Variants in F8 observed in about 807,000 individuals in gnomAD.
F8 encodes antihemophilic factor.
F8 carries 12 observed loss-of-function variants against 140.6 expected under a neutral mutation model. The observed-to-expected ratio is 0.09, with a 90% confidence interval of 0.05 to 0.14. The LOEUF (loss-of-function observed/expected upper bound fraction) is 0.14. F8 is among the 10% of genes least tolerant of loss of function. The pLI is 1.00. For synonymous variants in F8, 585 were observed against 614.6 expected (o/e 0.95, Z 0.71); for missense variants, 1,354 against 1,720.7 (o/e 0.79, Z 3.77).
chrX:154,981,866 A>G (rs2073524025), intron 6 of F8, among the ~76,000 whole-genome samples: 1 of 111,782 alleles, frequency 8.9e-6, no homozygotes, highest in Admixed American at 9.5e-5. Flanking sequence ...AAAAATTAAG[A>G]AAAAGGTATG....
At chrX:154,891,697 T>A (rs897713260) in intron 22 of F8, among the ~76,000 whole-genome samples, 1 of 112,846 alleles carries the variant, frequency 8.9e-6, no homozygotes, top group African/African-American at 3.2e-5. Context: ...TACTAATGTA[T>A]GGAAATGAAG....
At chrX:154,876,855 T>C (rs1263668035) in intron 22 of F8, among the ~76,000 whole-genome samples, 1 of 111,534 alleles carries the variant, frequency 9.0e-6, no homozygotes, top group Non-Finnish European at 1.9e-5. Context: ...GGGGCCTGAA[T>C]TTTATGTCTC....
At chrX:154,857,242 G>A (rs2148564996) in intron 25 of F8, among the ~76,000 whole-genome samples, 1 of 111,875 alleles carries the variant, frequency 8.9e-6, no homozygotes, top group South Asian at 3.8e-4. Flanking sequence ...TCATGAACTA[G>A]GTGTTATCTG....
intron 25 of F8, among the ~76,000 whole-genome samples, chrX:154,842,029 CATCTGG>C (rs1323705539): frequency 2.7e-5 from 3 of 111,664 alleles, no homozygotes; most frequent in Non-Finnish European, 3.8e-5. Flanking sequence ...TTAGTGTAGC[CATCTGG>C]ATCTGGATTT....
chrX:154,951,659 T>C (rs1180732408), intron 12 of F8, among the ~76,000 whole-genome samples: 1 of 111,213 alleles, frequency 9.0e-6, no homozygotes, highest in Non-Finnish European at 1.9e-5. Context: ...GAGTGATTTA[T>C]GGTTTGGGTC....
intron 14 of F8, among the ~76,000 whole-genome samples, chrX:154,907,072 T>C (rs928274537): frequency 1.8e-5 from 2 of 112,154 alleles, no homozygotes; most frequent in African/African-American, 6.5e-5. Flanking sequence ...TGGATGTCCC[T>C]TTTCAATCAT....
intron 10 of F8, among the ~76,000 whole-genome samples, 170 bp downstream of exon 10, chrX:154,960,905 T>A (rs1291947948): frequency 1.8e-5 from 2 of 112,131 alleles, no homozygotes; most frequent in Non-Finnish European, 3.8e-5. Context: ...CGAATTTACA[T>A]GAAACATCAC....
At chrX:154,876,346 C>G (rs1557274028) in intron 22 of F8, among the ~76,000 whole-genome samples, 1 of 110,481 alleles carries the variant, frequency 9.1e-6, no homozygotes, top group Non-Finnish European at 1.9e-5. Context: ...GTCTCAATCT[C>G]CTGACCTTGT....
intron 21 of F8, among the ~76,000 whole-genome samples, chrX:154,898,490 TACA>T (rs2072994287): frequency 8.9e-6 from 1 of 112,202 alleles, no homozygotes; most frequent in South Asian, 3.7e-4. Context: ...AACAGTGTAG[TACA>T]ACGATTACCA....
intron 1 of F8, among the ~76,000 whole-genome samples, chrX:155,003,707 C>A (rs936259045): frequency 3.7e-4 from 41 of 111,181 alleles, no homozygotes; most frequent in Non-Finnish European, 7.0e-4. Context: ...GCCTGTAATC[C>A]CAGCACTTTG....
At chrX:154,853,830 G>A (rs1283778495) in intron 25 of F8, among the ~76,000 whole-genome samples, 1 of 111,749 alleles carries the variant, frequency 8.9e-6, no homozygotes, top group Non-Finnish European at 1.9e-5. Flanking sequence ...GTTTGTGGGG[G>A]TTTTTGTTGA....
chrX:154,927,669 T>C (rs1407320543), intron 14 of F8, among the ~76,000 whole-genome samples: 1 of 111,924 alleles, frequency 8.9e-6, no homozygotes, highest in Non-Finnish European at 1.9e-5. Context: ...ACTAGGGAAA[T>C]AGTCTATGGT....
At chrX:154,914,025 C>T (rs782688410) in intron 14 of F8, among the ~76,000 whole-genome samples, 8 of 113,301 alleles carry the variant, frequency 7.1e-5, no homozygotes, top group Non-Finnish European at 1.1e-4. Flanking sequence ...AGCACACCTC[C>T]GCCTGGACAT....
chrX:154,958,424 C>G (rs1351308220), intron 10 of F8, among the ~76,000 whole-genome samples: 2 of 111,585 alleles, frequency 1.8e-5, no homozygotes, highest in African/African-American at 6.5e-5. Flanking sequence ...TCTCTTCTTG[C>G]CCACTATTAT....
At chrX:154,923,987 A>G (rs12851286) in intron 14 of F8, among the ~76,000 whole-genome samples, 3 of 111,880 alleles carry the variant, frequency 2.7e-5, no homozygotes, top group African/African-American at 9.7e-5. Context: ...AGAAAAGAAA[A>G]AAAAGAGTTT....
chrX:154,911,253 A>G (rs1557276729), intron 14 of F8, among the ~76,000 whole-genome samples: 7 of 106,988 alleles, frequency 6.5e-5, no homozygotes, highest in African/African-American at 2.4e-4. Context: ...CTCTCGTCCC[A>G]CCTGACGAGA....
At chrX:154,844,467 T>C (rs1603431108) in intron 25 of F8, among the ~76,000 whole-genome samples, 1 of 111,299 alleles carries the variant, frequency 9.0e-6, no homozygotes, top group Admixed American at 9.5e-5. Flanking sequence ...TTTATTTCAT[T>C]GAGCAGTGGT....
intron 13 of F8, among the ~76,000 whole-genome samples, chrX:154,940,391 G>C: frequency 8.9e-6 from 1 of 112,002 alleles, no homozygotes; most frequent in East Asian, 2.8e-4. Flanking sequence ...TAACCAATGC[G>C]ATCAACTGGA....
intron 6 of F8, among the ~76,000 whole-genome samples, chrX:154,971,338 T>C (rs186953657): frequency 8.9e-6 from 1 of 111,793 alleles, no homozygotes; most frequent in East Asian, 2.8e-4. Flanking sequence ...GCCACAATGA[T>C]AATTTTGTGT....
Sources: gnomAD v4.1 joint callset for allele counts (sites outside exome capture counted in the v4.1 genomes callset) on GRCh38, gnomAD v4.1.1 for gene constraint, MANE v1.5 for transcripts, NCBI Gene and HGNC (gene_info 2026-07-23, HGNC 2026-07-21) for gene names.